The following ATXN1 variants were observed in gnomAD, a reference collection of about 807,000 sequenced individuals.
ATXN1 encodes ataxin-1.
Under a neutral mutation model 56.4 loss-of-function variants are expected in ATXN1, and 8 were observed. That is an observed-to-expected ratio of 0.14 (90% confidence interval 0.08 to 0.26). ATXN1 has a LOEUF of 0.26. ATXN1 is among the 10% of genes least tolerant of loss of function. ATXN1 has a pLI of 1.00. For missense variants in ATXN1, 987 were observed against 1,106.5 expected (o/e 0.89, Z 1.53); for synonymous variants, 514 against 494.6 (o/e 1.04, Z -0.52).
intron 3 of ATXN1, among the ~76,000 whole-genome samples, chr6:16,642,337 G>A (rs141639123): frequency 0.014 from 2,132 of 152,298 alleles, 60 homozygotes; most frequent in South Asian, 0.025. Flanking sequence ...GGAGGTTGCA[G>A]TGAGCCGAGA....
chr6:16,403,126 C>T (rs905177743), intron 6 of ATXN1, among the ~76,000 whole-genome samples: 1 of 152,084 alleles, frequency 6.6e-6, no homozygotes, highest in African/African-American at 2.4e-5. Flanking sequence ...CACATGCACA[C>T]ACATGTACAC....
intron 2 of ATXN1, chr6:16,739,897 C>T (rs563680276): frequency 4.4e-6 from 2 of 457,072 alleles, no homozygotes; most frequent in East Asian, 1.4e-4. Flanking sequence ...GAGATGTCCA[C>T]CAGCACTTTC....
At chr6:16,353,844 G>A (rs923112750) in intron 6 of ATXN1, among the ~76,000 whole-genome samples, 4 of 151,492 alleles carry the variant, frequency 2.6e-5, no homozygotes, top group Admixed American at 1.3e-4. Flanking sequence ...CCCCTGAGTC[G>A]ATAATCAGAA....
intron 6 of ATXN1, among the ~76,000 whole-genome samples, chr6:16,331,043 C>T (rs1195949389): frequency 3.3e-5 from 5 of 152,168 alleles, no homozygotes; most frequent in Non-Finnish European, 5.9e-5. Flanking sequence ...CTCTGTCGCC[C>T]AGGCTGGAGG....
chr6:16,334,355 A>G (rs145898793), intron 6 of ATXN1, among the ~76,000 whole-genome samples: 4 of 152,320 alleles, frequency 2.6e-5, no homozygotes, highest in African/African-American at 9.6e-5. Flanking sequence ...GAAAGAGCCC[A>G]GAAAGTTTTT....
intron 3 of ATXN1, among the ~76,000 whole-genome samples, chr6:16,607,472 G>C (rs1055149562): frequency 7.2e-5 from 11 of 152,214 alleles, no homozygotes; most frequent in Admixed American, 3.3e-4. Flanking sequence ...TGGTAATTGA[G>C]CTTGGAAAGC....
At chr6:16,597,630 G>C (rs1762839200) in intron 3 of ATXN1, among the ~76,000 whole-genome samples, 1 of 152,186 alleles carries the variant, frequency 6.6e-6, no homozygotes, top group African/African-American at 2.4e-5. Flanking sequence ...AGTCGAGACG[G>C]GGTTTCACCA....
At chr6:16,559,600 C>T (rs980727073) in intron 4 of ATXN1, among the ~76,000 whole-genome samples, 2 of 152,038 alleles carry the variant, frequency 1.3e-5, no homozygotes, top group African/African-American at 4.8e-5. Flanking sequence ...ATAAAATATC[C>T]TTAAAAGGAC....
intron 2 of ATXN1, among the ~76,000 whole-genome samples, chr6:16,681,704 T>G (rs1391172612): frequency 6.6e-6 from 1 of 152,180 alleles, no homozygotes; most frequent in Non-Finnish European, 1.5e-5. Flanking sequence ...TTTCAAGTCA[T>G]GATTAGGCCA....
intron 4 of ATXN1, among the ~76,000 whole-genome samples, chr6:16,559,209 A>G (rs1762070253): frequency 6.6e-6 from 1 of 152,160 alleles, no homozygotes; most frequent in Non-Finnish European, 1.5e-5. Flanking sequence ...TTGGAGGGCA[A>G]TTTGGCAAGG....
chr6:16,504,787 A>G (rs1760950232), intron 5 of ATXN1, among the ~76,000 whole-genome samples: 1 of 152,166 alleles, frequency 6.6e-6, no homozygotes, highest in Non-Finnish European at 1.5e-5. Context: ...CACAGGGGAA[A>G]TGAAAATTAA....
chr6:16,320,908 T>A (rs2038018), intron 7 of ATXN1, among the ~76,000 whole-genome samples: 32,169 of 152,160 alleles, frequency 0.21, 4,037 homozygotes, highest in African/African-American at 0.36. Context: ...AAAAATGGCT[T>A]ATTGTGCTCA....
In ATXN1 at chr6:16,634,952, GATT is replaced by G. The variant is rs201956761; in HGVS notation, c.-489+22821_-489+22823del. 1.6e-3 allele frequency among the ~76,000 whole-genome samples: 250 copies of G among 152,218 alleles called. 1 individual carries two copies. Among genetic ancestry groups the G allele is most frequent in the African/African-American group, 5.7e-3 (236 of 41,520 alleles). On this transcript the variant is annotated intron_variant, in intron 3 of 7. Coordinates refer to ENST00000436367, the MANE Select transcript of ATXN1 (RefSeq NM_001128164.2). Reference sequence around the variant, plus strand: ...ACAATTGCACTGGTCTCCACCAGTTGATTATTAAGCTCTAGAGCAGGGGTTCCC... The same window carrying G: ...ACAATTGCACTGGTCTCCACCAGTTGATTAAGCTCTAGAGCAGGGGTTCCC...
At chr6:16,621,711 T>G (rs1186609737) in intron 3 of ATXN1, among the ~76,000 whole-genome samples, 20 of 151,938 alleles carry the variant, frequency 1.3e-4, no homozygotes, top group Admixed American at 1.3e-3. Flanking sequence ...AGATTCCATC[T>G]CAAAAACAAA....
chr6:16,633,765 G>A (rs781688016), intron 3 of ATXN1, among the ~76,000 whole-genome samples: 2 of 152,184 alleles, frequency 1.3e-5, no homozygotes, highest in Non-Finnish European at 2.9e-5. Context: ...TTAATAGAAA[G>A]TGAAGCAATG....
At chr6:16,406,849 C>A (rs1758695158) in intron 6 of ATXN1, among the ~76,000 whole-genome samples, 1 of 152,168 alleles carries the variant, frequency 6.6e-6, no homozygotes, top group African/African-American at 2.4e-5. Context: ...ATGTGAGGTC[C>A]CATTCCAGCC....
chr6:16,325,589 C>T (rs1760784028), intron 7 of ATXN1, among the ~76,000 whole-genome samples: 1 of 152,038 alleles, frequency 6.6e-6, no homozygotes, highest in Admixed American at 6.5e-5. Flanking sequence ...TCACTCCCTC[C>T]ACCTCCTGAC....
At chr6:16,684,449 C>G (rs1006598442) in intron 2 of ATXN1, among the ~76,000 whole-genome samples, 3 of 152,166 alleles carry the variant, frequency 2.0e-5, no homozygotes, top group Non-Finnish European at 4.4e-5. Context: ...TACCCAAACC[C>G]TTGGCTAATT....
chr6:16,369,501 T>C (rs1347748025), intron 6 of ATXN1, among the ~76,000 whole-genome samples: 1 of 152,186 alleles, frequency 6.6e-6, no homozygotes, highest in Non-Finnish European at 1.5e-5. Flanking sequence ...AGAATCACAG[T>C]CCTGAACTCT....
Sources: gnomAD v4.1 joint callset for allele counts (sites outside exome capture counted in the v4.1 genomes callset) on GRCh38, gnomAD v4.1.1 for gene constraint, MANE v1.5 for transcripts, NCBI Gene and HGNC (gene_info 2026-07-23, HGNC 2026-07-21) for gene names.